The following CRTAC1 variants were observed in gnomAD, a reference collection of about 807,000 sequenced individuals.
The protein encoded by CRTAC1 is acidic secreted protein in cartilage.
Under a neutral mutation model 67.8 loss-of-function variants are expected in CRTAC1, and 37 were observed. The observed-to-expected ratio is 0.55, with a 90% CI of 0.42 to 0.72. The LOEUF is 0.72. CRTAC1 is among the 30% of genes least tolerant of loss of function. The pLI, the probability that CRTAC1 is intolerant of heterozygous loss-of-function variation, is 0.00. For missense variants in CRTAC1, 780 were observed against 931.6 expected, an observed-to-expected ratio of 0.84 and a Z score of 2.12; for synonymous variants, 348 against 371.0, an observed-to-expected ratio of 0.94 and a Z score of 0.71.
chr10:97,962,808 C>A (rs570867630), intron 2 of CRTAC1, among the ~76,000 whole-genome samples: 1 of 150,362 alleles, frequency 6.7e-6, no homozygotes, highest in East Asian at 2.0e-4. Context: ...GTACACACCC[C>A]GGGCACTCTT....
At chr10:98,018,753 A>T (rs1436904623) in intron 1 of CRTAC1, among the ~76,000 whole-genome samples, 1 of 152,158 alleles carries the variant, frequency 6.6e-6, no homozygotes, top group Non-Finnish European at 1.5e-5. Flanking sequence ...ACAAGCAGAG[A>T]ATACACAGCC....
intron 2 of CRTAC1, among the ~76,000 whole-genome samples, chr10:97,950,884 G>T (rs2051344008): frequency 6.6e-6 from 1 of 152,170 alleles, no homozygotes; most frequent in African/African-American, 2.4e-5. Context: ...CCTTCTCATA[G>T]GTACATAAGT....
intron 3 of CRTAC1, among the ~76,000 whole-genome samples, chr10:97,928,853 G>A (rs2136604371): frequency 6.6e-6 from 1 of 152,278 alleles, no homozygotes; most frequent in East Asian, 1.9e-4. Flanking sequence ...CAGGGCAGGG[G>A]AGACCCAGTA....
intron 14 of CRTAC1, chr10:97,867,079 G>C (rs1290221795): frequency 2.0e-5 from 3 of 152,344 alleles, no homozygotes; most frequent in Non-Finnish European, 4.4e-5. Flanking sequence ...GGTGGCCTTT[G>C]GTGCCCCCTC....
At chr10:98,011,418 A>G (rs965717447) in intron 1 of CRTAC1, 81 bp from the exon 2 acceptor site, 5 of 1,547,792 alleles carry the variant, frequency 3.2e-6, no homozygotes, top group Non-Finnish European at 4.4e-6. Flanking sequence ...GGGTAGGCCC[A>G]GAGTGCCTTT....
rs1454409481 is a variant in CRTAC1, at chr10:97,865,272, C to T, written c.*276G>A. 3 of 354,724 alleles carry T rather than the reference C, an allele frequency of 8.5e-6. No homozygotes were observed. The highest frequency in any genetic ancestry group is 1.5e-5 in the Non-Finnish European group (3 of 197,292). 22.0% of individuals were successfully genotyped at this position (354,724 alleles called of 1,614,324 possible). A position where few individuals can be genotyped will look rare whatever the true frequency, so the allele number is the denominator to read the frequency against. On this transcript the variant is annotated 3_prime_UTR_variant, in exon 15 of 15. Transcript: ENST00000370597. Reference sequence around the variant, plus strand: ...CTTCCTGTGCAGTGACACCACCTCCCTGGGCACATCTGTGTCCTAAGATAT... The same window carrying T: ...CTTCCTGTGCAGTGACACCACCTCCTTGGGCACATCTGTGTCCTAAGATAT...
intron 11 of CRTAC1, 141 bp from the exon 12 acceptor site, chr10:97,884,492 A>G: frequency 1.2e-6 from 1 of 809,844 alleles, no homozygotes. Context: ...GGTGAACAAG[A>G]CAGATTTGAG....
chr10:97,990,393 A>C (rs1842420416), intron 2 of CRTAC1, among the ~76,000 whole-genome samples: 1 of 152,234 alleles, frequency 6.6e-6, no homozygotes, highest in Admixed American at 6.5e-5. Flanking sequence ...TAATTATTTA[A>C]GAAGGCATGA....
chr10:97,913,758 G>T (rs1285340353), intron 5 of CRTAC1, among the ~76,000 whole-genome samples: 1 of 152,126 alleles, frequency 6.6e-6, no homozygotes, highest in African/African-American at 2.4e-5. Context: ...CTGGTCCCTG[G>T]CTGTCAGATC....
At chr10:97,886,365 T>C (rs1316618609) in intron 11 of CRTAC1, among the ~76,000 whole-genome samples, 1 of 151,244 alleles carries the variant, frequency 6.6e-6, no homozygotes, top group African/African-American at 2.4e-5. Context: ...GAAGAGTCCA[T>C]GGAGAGGCAG....
intron 2 of CRTAC1, among the ~76,000 whole-genome samples, chr10:97,971,496 C>T (rs1352951156): frequency 1.3e-5 from 2 of 152,176 alleles, no homozygotes; most frequent in African/African-American, 2.4e-5. Context: ...TGCCAGGGGC[C>T]GGCGCGAGGA....
intron 2 of CRTAC1, among the ~76,000 whole-genome samples, chr10:97,961,981 G>A (rs567181034): frequency 6.6e-6 from 1 of 152,270 alleles, no homozygotes; most frequent in East Asian, 1.9e-4. Context: ...TTTTAGAGGT[G>A]TCTTTTTTAG....
intron 2 of CRTAC1, among the ~76,000 whole-genome samples, chr10:97,976,551 C>T (rs75114223): frequency 0.012 from 1,890 of 152,270 alleles, 47 homozygotes; most frequent in African/African-American, 0.043. Flanking sequence ...GGAATGGTGT[C>T]GGATACATGG....
chr10:97,964,086 C>T (rs2051573496), intron 2 of CRTAC1, among the ~76,000 whole-genome samples: 1 of 152,230 alleles, frequency 6.6e-6, no homozygotes, highest in African/African-American at 2.4e-5. Context: ...TTTCCTCCTT[C>T]TCCTACCTGG....
chr10:97,879,842 A>AG, intron 14 of CRTAC1: 1 of 619,352 alleles, frequency 1.6e-6, no homozygotes, highest in Non-Finnish European at 2.7e-6. Flanking sequence ...AATGGGAAAA[A>AG]GAGAAAGGGG....
chr10:97,971,924 A>T (rs2051719831), intron 2 of CRTAC1, among the ~76,000 whole-genome samples: 1 of 152,154 alleles, frequency 6.6e-6, no homozygotes, highest in Non-Finnish European at 1.5e-5. Context: ...AACGCAGGGG[A>T]GCTGGACATG....
intron 5 of CRTAC1, among the ~76,000 whole-genome samples, chr10:97,915,707 A>C: frequency 7.0e-6 from 1 of 143,438 alleles, no homozygotes; most frequent in African/African-American, 2.6e-5. Flanking sequence ...GCTACAGGGT[A>C]GTGTTGGGGG....
At chr10:98,006,343 C>T (rs1327928794) in intron 2 of CRTAC1, among the ~76,000 whole-genome samples, 1 of 152,206 alleles carries the variant, frequency 6.6e-6, no homozygotes. Context: ...ATCTTCCCCT[C>T]ACCCCACAGG....
intron 2 of CRTAC1, among the ~76,000 whole-genome samples, chr10:97,992,024 C>G (rs1356926896): frequency 6.6e-6 from 1 of 152,210 alleles, no homozygotes; most frequent in Non-Finnish European, 1.5e-5. Flanking sequence ...GAAGGCCAGG[C>G]AGCATCTCTG....
Sources: gnomAD v4.1 joint callset for allele counts (sites outside exome capture counted in the v4.1 genomes callset) on GRCh38, gnomAD v4.1.1 for gene constraint, MANE v1.5 for transcripts, NCBI Gene and HGNC (gene_info 2026-07-23, HGNC 2026-07-21) for gene names.